Variants in KAZN observed in about 807,000 individuals in gnomAD.
KAZN encodes kazrin, periplakin interacting protein.
In KAZN, 40 loss-of-function variants were observed where a neutral mutation model predicts 87.4. The ratio of observed to expected loss-of-function variants is 0.46; its 90% CI spans 0.36 to 0.60. The LOEUF is 0.60. Among genes scored for constraint, KAZN ranks in the 20% least tolerant of loss-of-function variants. The pLI is 0.00. For synonymous variants in KAZN, 466 were observed against 458.3 expected (o/e 1.02, Z -0.22); for missense variants, 898 against 1,073.9 (o/e 0.84, Z 2.29).
At chr1:14,133,638 G>C (rs10803458) in intron 1 of KAZN, among the ~76,000 whole-genome samples, 62,562 of 151,554 alleles carry the variant, frequency 0.41, 13,584 homozygotes, top group East Asian at 0.69. Context: ...GATGCGTGGT[G>C]AAATGAGTGA....
At position 15,114,730 on chromosome 1, in the gene KAZN, G is replaced by A. The variant is rs774450436; in HGVS notation, c.*95G>A. On this transcript the variant is annotated 3_prime_UTR_variant, in exon 15 of 15. Coordinates refer to ENST00000376030, the MANE Select transcript of KAZN (RefSeq NM_201628.3). ...GTCGTTCTCACTGTACATAGCGGCC[G>A]CAGGCTGAGGATGTCCCTTGCTCCT... is the stretch of plus-strand genomic sequence containing the variant. 1.3e-5 allele frequency: 17 copies of A among 1,261,406 alleles called. No individual in the cohort carries two copies. The highest frequency in any genetic ancestry group is 5.1e-5 in the East Asian group (2 of 38,948). The allele number at this position is 1,261,406 out of a possible 1,614,324, so 78.1% of individuals were successfully genotyped here.
intron 1 of KAZN, among the ~76,000 whole-genome samples, chr1:14,045,063 C>A (rs1642006904): frequency 6.6e-6 from 1 of 152,172 alleles, no homozygotes; most frequent in African/African-American, 2.4e-5. Flanking sequence ...CAAGGAGCCC[C>A]AAGGGGCCAG....
rs545134389 is a variant in KAZN at position 14,802,328 on chromosome 1, C to T, written c.227-158356C>T. Among the ~76,000 whole-genome samples the T allele has an allele frequency of 6.0e-5, 9 of 150,990 alleles. No individual in the cohort carries two copies. The East Asian group carries it at 1.6e-3, about 26-fold the overall frequency. On this transcript the variant is annotated intron_variant, in intron 1 of 14. Coordinates refer to ENST00000376030, the MANE Select transcript of KAZN (RefSeq NM_201628.3). ...ATGAGGCAAGAGAACTGCTTGAACC[C>T]GGGAAGCGGAGGTCGCAGTGAGCTG...
intron 1 of KAZN, among the ~76,000 whole-genome samples, chr1:13,927,466 T>C (rs141865606): frequency 1.3e-5 from 2 of 152,172 alleles, no homozygotes; most frequent in East Asian, 1.9e-4. Context: ...AGGTTAGGAA[T>C]AGCTGGGCAA....
chr1:14,809,888 A>G (rs1395573364), intron 1 of KAZN, among the ~76,000 whole-genome samples: 1 of 151,946 alleles, frequency 6.6e-6, no homozygotes, highest in Non-Finnish European at 1.5e-5. Context: ...ACCACCATCA[A>G]CTCTGCCAAG....
At chr1:14,260,865 T>C (rs918809933) in intron 2 of KAZN, among the ~76,000 whole-genome samples, 8 of 152,172 alleles carry the variant, frequency 5.3e-5, no homozygotes, top group Non-Finnish European at 1.2e-4. Flanking sequence ...GTTTCACAGC[T>C]GGTAAAGTGA....
chr1:14,344,642 A>T (rs575923259), intron 2 of KAZN, among the ~76,000 whole-genome samples: 49 of 152,308 alleles, frequency 3.2e-4, no homozygotes, highest in African/African-American at 1.2e-3. Context: ...AGAACAATAA[A>T]GCAGGAAAGG....
intron 1 of KAZN, among the ~76,000 whole-genome samples, chr1:13,979,024 A>G (rs1196604590): frequency 6.6e-6 from 1 of 151,872 alleles, no homozygotes; most frequent in African/African-American, 2.4e-5. Context: ...TGAGCCTGGA[A>G]GGTTGAGGCT....
intron 8 of KAZN, among the ~76,000 whole-genome samples, chr1:15,092,419 G>C (rs564021394): frequency 2.0e-5 from 3 of 152,072 alleles, no homozygotes; most frequent in African/African-American, 7.2e-5. Flanking sequence ...ATGGTATTGA[G>C]TTTGTCTGTT....
At chr1:14,730,334 G>A (rs1022755457) in intron 1 of KAZN, among the ~76,000 whole-genome samples, 5 of 152,098 alleles carry the variant, frequency 3.3e-5, no homozygotes, top group East Asian at 1.9e-4. Flanking sequence ...CGCCCGCCTC[G>A]GCTTCCCAAA....
intron 1 of KAZN, among the ~76,000 whole-genome samples, chr1:14,658,196 A>G (rs1489846417): frequency 1.3e-5 from 2 of 152,156 alleles, no homozygotes; most frequent in Non-Finnish European, 2.9e-5. Flanking sequence ...ACCCCGACAG[A>G]GCTGGAGCGG....
In KAZN at chr1:14,443,466, C is replaced by G. The variant is rs376866600; in HGVS notation, c.250-155517C>G. On this transcript the variant is annotated intron_variant, in intron 2 of 16. Coordinates refer to the KAZN transcript ENST00000636203. ...ATGAAATAAATCAAGAGCAGCCCAC[C>G]TCGTTTGCAAATGGAAATCATTCTA... is the stretch of plus-strand genomic sequence containing the variant. Among the ~76,000 whole-genome samples the G allele has an allele frequency of 2.0e-5, 3 of 152,344 alleles. No individual in the cohort carries two copies. The South Asian group carries it at 6.2e-4, about 32-fold the overall frequency.
intron 1 of KAZN, among the ~76,000 whole-genome samples, chr1:13,934,106 T>C (rs893520527): frequency 1.3e-5 from 2 of 152,230 alleles, no homozygotes; most frequent in Non-Finnish European, 2.9e-5. Flanking sequence ...CCCTGGGAAC[T>C]AGTATAGAAT....
At chr1:14,081,773 G>T (rs1205460746) in intron 1 of KAZN, among the ~76,000 whole-genome samples, 1 of 151,896 alleles carries the variant, frequency 6.6e-6, no homozygotes, top group Non-Finnish European at 1.5e-5. Context: ...TGTTTTTTGA[G>T]ACATAGTCTC....
At chr1:14,697,159 A>G (rs59337379) in intron 1 of KAZN, among the ~76,000 whole-genome samples, 98,402 of 134,800 alleles carry the variant, frequency 0.73, 35,491 homozygotes, top group Non-Finnish European at 0.82. Flanking sequence ...AAAAAAAAAG[A>G]AAAGAAAAGA....
At chr1:14,867,052 C>T (rs529573806) in intron 1 of KAZN, among the ~76,000 whole-genome samples, 1 of 152,260 alleles carries the variant, frequency 6.6e-6, no homozygotes, top group South Asian at 2.1e-4. Flanking sequence ...TGATGGACTG[C>T]TGACCTTGCA....
intron 2 of KAZN, among the ~76,000 whole-genome samples, chr1:14,262,862 G>A (rs1651188128): frequency 6.6e-6 from 1 of 152,226 alleles, no homozygotes; most frequent in Non-Finnish European, 1.5e-5. Flanking sequence ...GAGAATAGCT[G>A]TTGAGAGAGG....
chr1:14,488,293 G>A (rs952916176), intron 2 of KAZN, among the ~76,000 whole-genome samples: 1 of 152,160 alleles, frequency 6.6e-6, no homozygotes, highest in Non-Finnish European at 1.5e-5. Context: ...GAGATGTTGG[G>A]GAGAGAGGAA....
intron 1 of KAZN, among the ~76,000 whole-genome samples, chr1:14,871,991 G>C (rs938131640): frequency 6.6e-6 from 1 of 152,106 alleles, no homozygotes; most frequent in Non-Finnish European, 1.5e-5. Flanking sequence ...CCAGAAGAAG[G>C]GGGCATGAAT....
Sources: gnomAD v4.1 joint callset for allele counts (sites outside exome capture counted in the v4.1 genomes callset) on GRCh38, gnomAD v4.1.1 for gene constraint, MANE v1.5 for transcripts, NCBI Gene and HGNC (gene_info 2026-07-23, HGNC 2026-07-21) for gene names.